Variants in OTOP1 observed in about 807,000 individuals in gnomAD.
The protein encoded by OTOP1 is proton channel OTOP1.
Under a neutral mutation model 52.9 loss-of-function variants are expected in OTOP1, and 59 were observed. That is an observed-to-expected ratio of 1.12 (90% CI 0.91 to 1.39). OTOP1 has a LOEUF of 1.39. OTOP1 is among the 40% of genes most tolerant of loss of function. The pLI, the probability that OTOP1 is intolerant of heterozygous loss-of-function variation, is 0.00. For missense variants in OTOP1, 761 were observed against 800.9 expected (o/e 0.95, Z 0.60); for synonymous variants, 317 against 337.7 (o/e 0.94, Z 0.67).
At chr4:4,216,749 C>T (rs1171618418) in intron 1 of OTOP1, among the ~76,000 whole-genome samples, 2 of 152,188 alleles carry the variant, frequency 1.3e-5, no homozygotes, top group Non-Finnish European at 2.9e-5. Flanking sequence ...GGCGAGGCAG[C>T]GTGGTTGAGT....
chr4:4,222,604 A>T (rs1717326810), intron 1 of OTOP1, among the ~76,000 whole-genome samples: 1 of 152,206 alleles, frequency 6.6e-6, no homozygotes, highest in Non-Finnish European at 1.5e-5. Context: ...TGGACCAGAA[A>T]TATCATCTAA....
At chr4:4,215,943 G>A (rs957817385) in intron 1 of OTOP1, among the ~76,000 whole-genome samples, 42 of 151,918 alleles carry the variant, frequency 2.8e-4, no homozygotes, top group Admixed American at 1.4e-3. Flanking sequence ...GATTACAGGC[G>A]TGCACCACCA....
At chr4:4,194,301 C>A (rs78728907) in intron 5 of OTOP1, among the ~76,000 whole-genome samples, 5 of 152,144 alleles carry the variant, frequency 3.3e-5, no homozygotes, top group Non-Finnish European at 5.9e-5. Context: ...ACATGCACCT[C>A]AAAAAAATGC....
intron 1 of OTOP1, among the ~76,000 whole-genome samples, chr4:4,223,454 G>A (rs1419199003): frequency 1.3e-5 from 2 of 148,280 alleles, no homozygotes; most frequent in Admixed American, 1.3e-4. Context: ...TGATGAATAA[G>A]TGAATGATGA....
At chr4:4,225,389 G>A (rs185091602) in intron 1 of OTOP1, among the ~76,000 whole-genome samples, 2 of 152,200 alleles carry the variant, frequency 1.3e-5, no homozygotes, top group East Asian at 3.9e-4. Flanking sequence ...ACAACACAAC[G>A]AGGCCCTATC....
chr4:4,216,457 A>G (rs1717154236), intron 1 of OTOP1, among the ~76,000 whole-genome samples: 1 of 152,184 alleles, frequency 6.6e-6, no homozygotes, highest in African/African-American at 2.4e-5. Context: ...TATGACGTGC[A>G]TTAAGGCACT....
intron 2 of OTOP1, among the ~76,000 whole-genome samples, chr4:4,210,262 T>G (rs538498423): frequency 6.6e-6 from 1 of 152,350 alleles, no homozygotes; most frequent in East Asian, 1.9e-4. Flanking sequence ...ATTGTCGCTG[T>G]ATCACTATAA....
rs548705250 is a variant in OTOP1, at chr4:4,207,559, TA to T, written c.541-1430del. 3.1e-3 allele frequency among the ~76,000 whole-genome samples: 468 copies of T among 151,528 alleles called. 3 individuals are homozygous for T. Among genetic ancestry groups the T allele is most frequent in the African/African-American group, 0.011 (445 of 41,248 alleles). Reference sequence around the variant, plus strand: ...AATAAATGCTTTTTGCTTTTTTTTTTAGAATTACCATACGGTCCAGCAATAC... The same window carrying T: ...AATAAATGCTTTTTGCTTTTTTTTTTGAATTACCATACGGTCCAGCAATAC... On this transcript the variant is annotated intron_variant, in intron 2 of 5. Coordinates refer to ENST00000296358, the MANE Select transcript of OTOP1 (RefSeq NM_177998.3).
At chr4:4,207,792 T>A (rs1398401863) in intron 2 of OTOP1, among the ~76,000 whole-genome samples, 1 of 152,170 alleles carries the variant, frequency 6.6e-6, no homozygotes, top group Non-Finnish European at 1.5e-5. Flanking sequence ...AATTTAGAAG[T>A]TTATTTTGCC....
chr4:4,194,097 G>A (rs1451573908), intron 5 of OTOP1, among the ~76,000 whole-genome samples: 1 of 152,288 alleles, frequency 6.6e-6, no homozygotes, highest in East Asian at 1.9e-4. Context: ...GCTGAGGCAG[G>A]AGAATCACTT....
intron 4 of OTOP1, among the ~76,000 whole-genome samples, chr4:4,200,419 T>C (rs921027713): frequency 2.0e-5 from 3 of 148,322 alleles, no homozygotes; most frequent in Non-Finnish European, 3.0e-5. Flanking sequence ...GAGCTTGCAG[T>C]GATCCGAGAC....
At chr4:4,211,000 T>C (rs1234220482) in intron 2 of OTOP1, among the ~76,000 whole-genome samples, 1 of 152,124 alleles carries the variant, frequency 6.6e-6, no homozygotes, top group Non-Finnish European at 1.5e-5. Flanking sequence ...ACTCAGTCCA[T>C]AACAGCTTTC....
rs374356019 is a variant in OTOP1, at chr4:4,197,855, C to A, written c.979G>T (p.Ala327Ser). Residue 327 changes from alanine (A) to serine (S), a missense_variant, in exon 5 of 6, where the codon GCT (alanine) becomes TCT (serine). Ala to Ser is a moderately conservative substitution (Grantham distance 99, BLOSUM62 1). Coordinates refer to ENST00000296358, the MANE Select transcript of OTOP1 (RefSeq NM_177998.3). ...TGAATCAGGTATACCACCACCACAG[C>A]AATGGTGGCGGCCAGCACGGTCAGG... ...LGLTVLAATI[A>S]VVVVYLIHIG... 4.3e-6 allele frequency: 7 copies of A among 1,614,002 alleles called. No individual in the cohort carries two copies. The highest frequency in any genetic ancestry group is 5.9e-6 in the Non-Finnish European group (7 of 1,180,038).
chr4:4,216,500 G>A (rs1434187743), intron 1 of OTOP1, among the ~76,000 whole-genome samples: 2 of 152,130 alleles, frequency 1.3e-5, no homozygotes, highest in Admixed American at 1.3e-4. Flanking sequence ...CATAACATTG[G>A]GCTATAACGT....
In OTOP1 at chr4:4,197,977, T is replaced by C. The variant is rs1716688512; in HGVS notation, c.857A>G (p.Tyr286Cys). 1 of 1,613,856 alleles carries C rather than the reference T, an allele frequency of 6.2e-7. No homozygotes were observed. The highest frequency in any genetic ancestry group is 1.7e-5 in the Admixed American group (1 of 59,972). ...EYQILASTML[Y>C]VLWKNIGRKV... ...GCGCCCGATGTTCTTCCACAGGACG[T>C]AGAGCATTGTGGAGGCCAGGATCTG... The change falls in exon 5 of 6, where the codon TAC becomes TGC. Residue 286 changes from tyrosine to cysteine, a missense_variant. This residue lies in a region of OTOP1 where 632 missense variants were observed against 619.5 expected (regional missense o/e 1.02). Transcript: ENST00000296358.
intron 5 of OTOP1, among the ~76,000 whole-genome samples, chr4:4,192,511 C>T (rs1463279116): frequency 2.6e-5 from 4 of 152,170 alleles, no homozygotes; most frequent in Non-Finnish European, 5.9e-5. Context: ...CAATAGAAAA[C>T]CAAAATATCT....
rs769561863 is a variant in OTOP1, at chr4:4,197,902, A to G, written c.932T>C (p.Val311Ala). The G allele has an allele frequency of 1.2e-5, 19 of 1,613,864 alleles. No individual in the cohort carries two copies. Among genetic ancestry groups the G allele is most frequent in the Non-Finnish European group, 1.6e-5 (19 of 1,179,970 alleles). ...CAGGCCCAGGACTGCGCCCACCATGACCCCATCAGACTTGAACTGCATCTT... is the reference window on the plus strand; with the variant it reads ...CAGGCCCAGGACTGCGCCCACCATGGCCCCATCAGACTTGAACTGCATCTT... ...HQKMQFKSDG[V>A]MVGAVLGLTV... is the part of the protein sequence containing the mutation. Residue 311 changes from valine to alanine, a missense_variant, in exon 5 of 6, where the codon GTC (valine) becomes GCC (alanine). Physicochemically the swap from Val to Ala is moderately conservative, Grantham distance 64 (BLOSUM62 0). Around this residue, in one of 3 missense-constraint regions of OTOP1, gnomAD observed 632 missense variants for 619.5 expected, o/e 1.02. Transcript: ENST00000296358.
In OTOP1 at chr4:4,198,109, G is replaced by A. The variant is rs1315737907; in HGVS notation, c.731-6C>T. On this transcript the variant is annotated splice_polypyrimidine_tract_variant and splice_region_variant and intron_variant, in intron 4 of 5. Transcript: ENST00000296358. ...CGGTGTGTGGTCATCTAAAACTAGG[G>A]GAGACAGGTAGATCACACAGGAGGG... The A allele has an allele frequency of 2.5e-6, 4 of 1,606,048 alleles. No individual in the cohort carries two copies. Among genetic ancestry groups the A allele is most frequent in the Non-Finnish European group, 3.4e-6 (4 of 1,172,992 alleles).
chr4:4,189,411 G>A (rs1370490838), intron 5 of OTOP1, among the ~76,000 whole-genome samples: 13 of 152,294 alleles, frequency 8.5e-5, no homozygotes, highest in Admixed American at 8.5e-4. Flanking sequence ...AGACTCTTTT[G>A]TGTCCCAGTT....
Sources: allele counts gnomAD v4.1 joint callset (sites outside exome capture counted in the v4.1 genomes callset), GRCh38; gene constraint gnomAD v4.1.1; regional missense constraint gnomAD v4.1.1; transcripts MANE v1.5; gene names NCBI Gene and HGNC (gene_info 2026-07-23, HGNC 2026-07-21).